SELENOS: variants seen among roughly 807,000 people sequenced by gnomAD.
SELENOS encodes selenoprotein S.
A neutral mutation model predicts 30.2 loss-of-function variants in SELENOS; 37 were observed. The observed-to-expected ratio is 1.23, with a 90% confidence interval of 0.94 to 1.61. SELENOS has a LOEUF of 1.61. Among genes scored for constraint, SELENOS ranks in the 40% most tolerant of loss-of-function variants. The pLI, the probability that SELENOS is intolerant of heterozygous loss-of-function variation, is 0.00. For missense variants in SELENOS, 289 were observed against 231.8 expected (o/e 1.25, Z -1.60); for synonymous variants, 119 against 91.6 (o/e 1.30, Z -1.71).
Position 101,276,575 on chromosome 15 carries a change from C to A in SELENOS, c.177G>T (p.Arg59Ser). ...CCGCAGCTCGGTCCAGCTGCCTCTGCCTCAAGGCTCTTAGCCGGGCGGAAA... is the reference window on the plus strand; with the variant it reads ...CCGCAGCTCGGTCCAGCTGCCTCTGACTCAAGGCTCTTAGCCGGGCGGAAA... ...QKLSARLRAL[R>S]QRQLDRAAAA... The change falls in exon 2 of 6, where the codon AGG (arginine) becomes AGT (serine). Residue 59 changes from arginine to serine, a missense_variant. Physicochemically the swap from Arg to Ser is moderately radical, Grantham distance 110. Coordinates refer to ENST00000526049, the MANE Select transcript of SELENOS (RefSeq NM_018445.6). The A allele has an allele frequency of 6.2e-7, 1 of 1,613,496 alleles. No individual in the cohort carries two copies. The highest frequency in any genetic ancestry group is 8.5e-7 in the Non-Finnish European group (1 of 1,179,748).
downstream of SELENOS, among the ~76,000 whole-genome samples, chr15:101,272,031 T>C (rs1039096279): frequency 2.0e-5 from 3 of 152,200 alleles, no homozygotes; most frequent in African/African-American, 7.2e-5. Flanking sequence ...TGAGGCACGA[T>C]GTTTCTTTAT....
At position 101,274,695 on chromosome 15, in the gene SELENOS, A is replaced by G; in HGVS notation, c.319-14T>C. 1 of 1,604,612 alleles carries G rather than the reference A, an allele frequency of 6.2e-7. No homozygotes were observed. The highest frequency in any genetic ancestry group is 8.5e-7 in the Non-Finnish European group (1 of 1,177,054). ...TTCTTCTTCAAGCTGAGAAACAATCACATTTTACAGAAAGAATTCAGAAGC... is the reference window on the plus strand; with the variant it reads ...TTCTTCTTCAAGCTGAGAAACAATCGCATTTTACAGAAAGAATTCAGAAGC... On this transcript the variant is annotated splice_polypyrimidine_tract_variant and intron_variant, in intron 3 of 5. Coordinates refer to ENST00000526049, the MANE Select transcript of SELENOS (RefSeq NM_018445.6).
At chr15:101,273,731 C>G (rs979283317) in intron 5 of SELENOS, among the ~76,000 whole-genome samples, 1 of 152,230 alleles carries the variant, frequency 6.6e-6, no homozygotes, top group Non-Finnish European at 1.5e-5. Context: ...TCAGCCAAGT[C>G]TGTGGCCCTG....
chr15:101,277,067 G>A, intron 1 of SELENOS: 2 of 637,472 alleles, frequency 3.1e-6, no homozygotes, highest in East Asian at 2.9e-5. Flanking sequence ...AACGCCAACG[G>A]CCGAGTGACC....
At chr15:101,277,132 G>A (rs1405853256) in intron 1 of SELENOS, 2 of 856,036 alleles carry the variant, frequency 2.3e-6, no homozygotes, top group African/African-American at 1.7e-5. Context: ...CGCAAACAAG[G>A]GACAGCCGAG....
chr15:101,276,802 C>T lies in SELENOS; in HGVS notation c.77-127G>A, dbSNP rs1173703405. 4.4e-6 allele frequency: 5 copies of T among 1,141,330 alleles called. No individual in the cohort carries two copies. The East Asian group carries it at 1.3e-4, about 29-fold the overall frequency. The allele number at this position is 1,141,330 out of a possible 1,614,324, so 70.7% of individuals were successfully genotyped here. The stretch of plus-strand genomic sequence containing the variant: ...TTCATGGTCTAGGCTGAGGAAAAAG[C>T]CTCCTAAGTAGATCGTTAAAACACG... On this transcript the variant is annotated intron_variant, in intron 1 of 5. Coordinates refer to ENST00000526049, the MANE Select transcript of SELENOS (RefSeq NM_018445.6).
chr15:101,277,248 C>A lies in SELENOS; in HGVS notation c.76+94G>T, dbSNP rs539483610. The A allele has an allele frequency of 3.3e-6, 5 of 1,519,734 alleles. No individual in the cohort carries two copies. In the South Asian group the frequency reaches 6.0e-5, roughly 18 times the overall value. The allele number at this position is 1,519,734 out of a possible 1,614,324, so 94.1% of individuals were successfully genotyped here. On this transcript the variant is annotated intron_variant, in intron 1 of 5. Coordinates refer to ENST00000526049, the MANE Select transcript of SELENOS (RefSeq NM_018445.6). ...CCCGACCGTTCCCAGGCCTCCCAGG[C>A]TCCGGCGCCCGGTGCAGCGGCGGAC...
In SELENOS at chr15:101,276,428, T is replaced by A. The variant is rs1047763359; in HGVS notation, c.211+113A>T. 172 of 1,289,966 alleles carry A rather than the reference T, an allele frequency of 1.3e-4. No homozygotes were observed. The African/African-American group carries it at 2.0e-3, about 15-fold the overall frequency. 79.9% of individuals were successfully genotyped at this position (1,289,966 alleles called of 1,614,324 possible). A position where few individuals can be genotyped will look rare whatever the true frequency, so the allele number is the denominator to read the frequency against. ...CACTCCCGGCTATTTTTTTTTTTTTTAAATAGAGACAGGGTCTTCCTGTGT... is the reference window on the plus strand; with the variant it reads ...CACTCCCGGCTATTTTTTTTTTTTTAAAATAGAGACAGGGTCTTCCTGTGT... On this transcript the variant is annotated intron_variant, in intron 2 of 5. Transcript: ENST00000526049.
intron 2 of SELENOS, among the ~76,000 whole-genome samples, chr15:101,276,109 G>A (rs1454713369): frequency 6.6e-6 from 1 of 151,740 alleles, no homozygotes. Flanking sequence ...TTTTAGTAGA[G>A]ACAGGGTTTC....
At chr15:101,276,063 C>T (rs2039323071) in intron 2 of SELENOS, among the ~76,000 whole-genome samples, 1 of 151,580 alleles carries the variant, frequency 6.6e-6, no homozygotes, top group Non-Finnish European at 1.5e-5. Flanking sequence ...GCTGGGATTA[C>T]AGGTGCCCGT....
rs1252834752 is a variant in SELENOS at position 101,272,704 on chromosome 15, G to GT, written c.*66dup. The GT allele has an allele frequency of 2.7e-6, 4 of 1,498,752 alleles. No homozygotes were observed. The highest frequency in any genetic ancestry group is 2.8e-5 in the African/African-American group (2 of 72,052). 92.8% of individuals were successfully genotyped at this position (1,498,752 alleles called of 1,614,324 possible). The stretch of plus-strand genomic sequence containing the variant: ...TGGCTAGTCACTGTGAAAAGCGTGC[G>GT]TAAGGCAATTGAATCGAGGGTTAAG... On this transcript the variant is annotated 3_prime_UTR_variant, in exon 6 of 6. Transcript: ENST00000526049.
rs1195989483 is a variant in SELENOS, at chr15:101,275,318, AGCAGCT to A, written c.249_254del (p.Ala84_Ala85del). The stretch of plus-strand genomic sequence containing the variant: ...TTAGTTCTTCTTGCATTTTCAGTCG[AGCAGCT>A]GCTAAAGCTTCTTGTCGTTTAACAA... On this transcript the variant is annotated inframe_deletion, in exon 3 of 6. Coordinates refer to ENST00000526049, the MANE Select transcript of SELENOS (RefSeq NM_018445.6). 2 of 1,582,504 alleles carry A rather than the reference AGCAGCT, an allele frequency of 1.3e-6. No individual in the cohort carries two copies. The highest frequency in any genetic ancestry group is 1.7e-6 in the Non-Finnish European group (2 of 1,163,796).
intron 2 of SELENOS, 139 bp downstream of exon 2, chr15:101,276,402 C>T (rs923432268): frequency 2.5e-6 from 3 of 1,212,998 alleles, no homozygotes; most frequent in Admixed American, 3.3e-5. Context: ...GTGCGTGCCG[C>T]CACTCCCGGC....
At chr15:101,276,443 T>G (rs1596466375) in intron 2 of SELENOS, 98 bp downstream of exon 2, 9 of 1,344,580 alleles carry the variant, frequency 6.7e-6, no homozygotes, top group South Asian at 5.3e-5. Context: ...AGAGACAGGG[T>G]CTTCCTGTGT....
intron 2 of SELENOS, among the ~76,000 whole-genome samples, chr15:101,275,876 TAG>T (rs1404678367): frequency 2.0e-5 from 3 of 149,052 alleles, no homozygotes; most frequent in East Asian, 3.9e-4. Flanking sequence ...CGTCTACTCA[TAG>T]AGTCTCGCTC....
chr15:101,272,968 C>A, intron 5 of SELENOS, 112 bp from the exon 6 acceptor site: 1 of 919,384 alleles, frequency 1.1e-6, no homozygotes. Context: ...TGCAAAGATA[C>A]AGATCCTAAG....
chr15:101,272,212 T>C lies in SELENOS; in HGVS notation c.*559A>G, dbSNP rs1207747665. 6.6e-6 allele frequency: 1 copy of C among 152,258 alleles called. No homozygotes were observed. The highest frequency in any genetic ancestry group is 2.4e-5 in the African/African-American group (1 of 41,470). 9.4% of individuals were successfully genotyped at this position (152,258 alleles called of 1,614,324 possible). A position where few individuals can be genotyped will look rare whatever the true frequency, so the allele number is the denominator to read the frequency against. ...GTTAGAGGTTGTAATAAAAAGCTAT[T>C]TAATGTTTGATAGACAAATTGAAGT... On this transcript the variant is annotated 3_prime_UTR_variant, in exon 6 of 6. Coordinates refer to ENST00000526049, the MANE Select transcript of SELENOS (RefSeq NM_018445.6).
intron 5 of SELENOS, chr15:101,274,213 A>C (rs2039298321): frequency 6.4e-6 from 4 of 623,390 alleles, no homozygotes; most frequent in Admixed American, 5.8e-5. Context: ...CAGAAGGATC[A>C]AGTTAGAATA....
chr15:101,271,472 T>C (rs1011349314), downstream of SELENOS: 1 of 152,128 alleles, frequency 6.6e-6, no homozygotes, highest in Non-Finnish European at 1.5e-5. Flanking sequence ...AACTCAAATC[T>C]CTCTAGACTC....
Sources: gnomAD v4.1 joint callset for allele counts (sites outside exome capture counted in the v4.1 genomes callset) on GRCh38, gnomAD v4.1.1 for gene constraint, MANE v1.5 for transcripts, NCBI Gene and HGNC (gene_info 2026-07-23, HGNC 2026-07-21) for gene names.